MAN1A2: variants seen among roughly 807,000 people sequenced by gnomAD.
The protein encoded by MAN1A2 is mannosidase alpha class 1A member 2, also known as mannosyl-oligosaccharide 1,2-alpha-mannosidase IB.
Under a neutral mutation model 75.7 loss-of-function variants are expected in MAN1A2, and 26 were observed. The observed-to-expected ratio is 0.34, with a 90% confidence interval of 0.25 to 0.48. The LOEUF (loss-of-function observed/expected upper bound fraction) is 0.48. Ranked by LOEUF, MAN1A2 falls within the 20% of genes least tolerant of loss-of-function variation. The pLI is 0.99. For missense variants in MAN1A2, 562 were observed against 775.5 expected, an observed-to-expected ratio of 0.72 and a Z score of 3.27; for synonymous variants, 247 against 264.6, an observed-to-expected ratio of 0.93 and a Z score of 0.65.
intron 1 of MAN1A2, among the ~76,000 whole-genome samples, chr1:117,397,745 A>G (rs1179989494): frequency 7.3e-6 from 1 of 137,014 alleles, no homozygotes; most frequent in Non-Finnish European, 1.5e-5. Flanking sequence ...TCCGCCTCCC[A>G]GGTTCAAGCA....
intron 5 of MAN1A2, among the ~76,000 whole-genome samples, chr1:117,438,151 A>G (rs1413880831): frequency 6.6e-6 from 1 of 152,242 alleles, no homozygotes; most frequent in Admixed American, 6.5e-5. Flanking sequence ...ATGAAATTAT[A>G]ATGGAGCTGC....
At chr1:117,473,372 T>C (rs767180394) in intron 8 of MAN1A2, among the ~76,000 whole-genome samples, 36 of 152,036 alleles carry the variant, frequency 2.4e-4, no homozygotes, top group Admixed American at 1.2e-3. Flanking sequence ...TGGATTGTTA[T>C]AATAAATAGC....
chr1:117,493,312 T>C, intron 9 of MAN1A2, 50 bp downstream of exon 9: 1 of 1,142,416 alleles, frequency 8.8e-7, no homozygotes, highest in East Asian at 2.4e-5. Context: ...ATGTACAGTG[T>C]ATTTTGTAGT....
At chr1:117,444,548 G>A (rs898330596) in intron 6 of MAN1A2, among the ~76,000 whole-genome samples, 10 of 151,978 alleles carry the variant, frequency 6.6e-5, no homozygotes, top group Non-Finnish European at 1.5e-4. Context: ...GTCTCTAAAT[G>A]TCTGCAGGTA....
chr1:117,486,625 C>T lies in MAN1A2; in HGVS notation c.1169-6522C>T, dbSNP rs10923318. Among the ~76,000 whole-genome samples, 582 of 151,928 alleles carry T rather than the reference C, an allele frequency of 3.8e-3. 7 individuals are homozygous for T. Among genetic ancestry groups the T allele is most frequent in the African/African-American group, 0.013 (553 of 41,486 alleles). On this transcript the variant is annotated intron_variant, in intron 8 of 12. Transcript: ENST00000356554. ...AAAAGTATGATTGCTGACATTAAAG[C>T]TTCAGTGAAGAGACTAAAGATAAAA...
At chr1:117,382,679 C>T (rs1163276330) in intron 1 of MAN1A2, among the ~76,000 whole-genome samples, 1 of 151,992 alleles carries the variant, frequency 6.6e-6, no homozygotes, top group Admixed American at 6.5e-5. Flanking sequence ...TTTTTTGGTT[C>T]CATATGAACT....
chr1:117,454,723 T>C (rs369582033), intron 6 of MAN1A2, among the ~76,000 whole-genome samples: 17 of 152,258 alleles, frequency 1.1e-4, no homozygotes, highest in East Asian at 3.9e-4. Context: ...ATTTTTTCTG[T>C]TTTGGTCTTT....
chr1:117,520,274 GC>G (rs1382699343), intron 12 of MAN1A2, among the ~76,000 whole-genome samples: 1 of 152,014 alleles, frequency 6.6e-6, no homozygotes, highest in Non-Finnish European at 1.5e-5. Flanking sequence ...AGACAAGGAT[GC>G]CCACTCTCAC....
intron 1 of MAN1A2, among the ~76,000 whole-genome samples, chr1:117,393,340 C>G (rs1291014621): frequency 2.0e-5 from 3 of 152,178 alleles, no homozygotes; most frequent in Admixed American, 6.5e-5. Context: ...CCTTCAGGCA[C>G]TTGCCACTAA....
chr1:117,368,897 G>GA (rs766347665), intron 1 of MAN1A2, among the ~76,000 whole-genome samples: 3 of 152,166 alleles, frequency 2.0e-5, no homozygotes, highest in Admixed American at 6.5e-5. Flanking sequence ...ATCGAACCTT[G>GA]ACAGCTCTTT....
At position 117,368,166 on chromosome 1, in the gene MAN1A2, T is replaced by A; in HGVS notation, c.-18T>A. 1.4e-5 allele frequency: 22 copies of A among 1,579,282 alleles called. No individual in the cohort carries two copies. The highest frequency in any genetic ancestry group is 1.9e-5 in the Non-Finnish European group (22 of 1,167,486). ...AAGATGAGAACTTTCTAAAGTATTC[T>A]CTCCAAGAGCGTAAACGATGACTAC... On this transcript the variant is annotated 5_prime_UTR_variant, in exon 1 of 13. Transcript: ENST00000356554.
chr1:117,445,632 TC>T (rs1183924107), intron 6 of MAN1A2, among the ~76,000 whole-genome samples: 1 of 150,426 alleles, frequency 6.6e-6, no homozygotes, highest in African/African-American at 2.5e-5. Flanking sequence ...GCTTAAGTGA[TC>T]CCCCCATCTC....
rs1400434986 is a variant in MAN1A2, at chr1:117,527,052, A to C, written c.*4095A>C. ...GCACAAATAAGCAGAATATTTGAGTAACTATATATGATATGGAGATATTTT... is the reference window on the plus strand; with the variant it reads ...GCACAAATAAGCAGAATATTTGAGTCACTATATATGATATGGAGATATTTT... On this transcript the variant is annotated 3_prime_UTR_variant, in exon 13 of 13. Transcript: ENST00000356554. The C allele has an allele frequency of 6.6e-6, 1 of 151,602 alleles. No individual in the cohort carries two copies. Among genetic ancestry groups the C allele is most frequent in the African/African-American group, 2.4e-5 (1 of 41,328 alleles). 9.4% of individuals were successfully genotyped at this position (151,602 alleles called of 1,614,324 possible).
At chr1:117,420,759 A>G in intron 5 of MAN1A2, 110 bp downstream of exon 5, 1 of 792,530 alleles carries the variant, frequency 1.3e-6, no homozygotes. Context: ...GTAATATTGA[A>G]CCAGTCTAGA....
At chr1:117,438,518 T>C (rs538353611) in intron 5 of MAN1A2, among the ~76,000 whole-genome samples, 12 of 152,334 alleles carry the variant, frequency 7.9e-5, no homozygotes, top group Non-Finnish European at 1.3e-4. Context: ...AAATCTACAG[T>C]AATGTTCAGT....
At chr1:117,376,565 C>A (rs946703337) in intron 1 of MAN1A2, among the ~76,000 whole-genome samples, 2 of 152,246 alleles carry the variant, frequency 1.3e-5, no homozygotes, top group African/African-American at 2.4e-5. Context: ...CCCACCAACT[C>A]TCCTCAGACC....
chr1:117,462,378 T>A (rs1649849701), intron 7 of MAN1A2, among the ~76,000 whole-genome samples: 1 of 152,174 alleles, frequency 6.6e-6, no homozygotes, highest in South Asian at 2.1e-4. Flanking sequence ...ACAATTTTTA[T>A]AAAGTTCAAA....
chr1:117,429,577 G>A (rs1648518799), intron 5 of MAN1A2, among the ~76,000 whole-genome samples: 3 of 107,054 alleles, frequency 2.8e-5, no homozygotes, highest in South Asian at 3.3e-4. Flanking sequence ...GGCCGGGCGG[G>A]GGGCTGACCC....
chr1:117,434,350 A>G (rs1422858474), intron 5 of MAN1A2, among the ~76,000 whole-genome samples: 1 of 152,208 alleles, frequency 6.6e-6, no homozygotes, highest in Non-Finnish European at 1.5e-5. Context: ...ATGTAATTAA[A>G]TGTATACTTT....
Sources: allele counts gnomAD v4.1 joint callset (sites outside exome capture counted in the v4.1 genomes callset), GRCh38; gene constraint gnomAD v4.1.1; transcripts MANE v1.5; gene names NCBI Gene and HGNC (gene_info 2026-07-23, HGNC 2026-07-21).